Variants in DOCK7 observed in about 807,000 individuals in gnomAD.
The protein encoded by DOCK7 is dedicator of cytokinesis protein 7.
Under a neutral mutation model 271.0 loss-of-function variants are expected in DOCK7, and 138 were observed. The ratio of observed to expected loss-of-function variants is 0.51; its 90% CI spans 0.44 to 0.59. The LOEUF (loss-of-function observed/expected upper bound fraction) is 0.59. Among genes scored for constraint, DOCK7 ranks in the 20% least tolerant of loss-of-function variants. The pLI is 0.00. For synonymous variants in DOCK7, 823 were observed against 876.1 expected, an observed-to-expected ratio of 0.94 and a Z score of 1.07; for missense variants, 2,066 against 2,592.4, an observed-to-expected ratio of 0.80 and a Z score of 4.41.
At chr1:62,594,403 A>G (rs536851595) in intron 14 of DOCK7, among the ~76,000 whole-genome samples, 19 of 152,266 alleles carry the variant, frequency 1.2e-4, no homozygotes, top group African/African-American at 4.6e-4. Context: ...GAGACAATAT[A>G]CTAGAAACCA....
At chr1:62,543,817 T>A in intron 23 of DOCK7, 72 bp from the exon 24 acceptor site, 1 of 1,087,736 alleles carries the variant, frequency 9.2e-7, no homozygotes, top group Non-Finnish European at 1.4e-6. Context: ...AGCTGATGGA[T>A]TATGTACAAG....
rs1646560745 is a variant in DOCK7, at chr1:62,494,484, T to C, written c.5025-17A>G. The C allele has an allele frequency of 3.2e-6, 5 of 1,586,300 alleles. No homozygotes were observed. The highest frequency in any genetic ancestry group is 4.3e-6 in the Non-Finnish European group (5 of 1,158,882). ...TTGGCAATTCTAATTAGAACAGAAATTCTTCTCCATTAGTATGTGCTTCCC... is the reference window on the plus strand; with the variant it reads ...TTGGCAATTCTAATTAGAACAGAAACTCTTCTCCATTAGTATGTGCTTCCC... On this transcript the variant is annotated splice_polypyrimidine_tract_variant and intron_variant, in intron 39 of 49. Transcript: ENST00000635253.
intron 37 of DOCK7, among the ~76,000 whole-genome samples, chr1:62,501,452 A>G (rs1646781224): frequency 1.3e-5 from 2 of 152,214 alleles, no homozygotes; most frequent in Non-Finnish European, 2.9e-5. Context: ...AAATCAAGTG[A>G]AGTATATGCA....
chr1:62,653,926 T>G, intron 3 of DOCK7, 58 bp downstream of exon 3: 1 of 1,564,940 alleles, frequency 6.4e-7, no homozygotes, highest in Non-Finnish European at 8.7e-7. Context: ...AATAAAATAA[T>G]GGAAGGTAGC....
At chr1:62,503,021 A>T (rs1298301688) in intron 37 of DOCK7, among the ~76,000 whole-genome samples, 2 of 152,190 alleles carry the variant, frequency 1.3e-5, no homozygotes, top group East Asian at 3.8e-4. Context: ...GATGAAATTC[A>T]GGCCAAAAAA....
chr1:62,572,226 G>A (rs1646805877), intron 18 of DOCK7, among the ~76,000 whole-genome samples: 2 of 152,034 alleles, frequency 1.3e-5, no homozygotes, highest in South Asian at 4.2e-4. Context: ...AAACCCTCTA[G>A]GTAATTTCGA....
chr1:62,505,776 C>T lies in DOCK7; in HGVS notation c.4517G>A (p.Gly1506Glu). The T allele has an allele frequency of 1.2e-6, 2 of 1,613,042 alleles. No homozygotes were observed. Among genetic ancestry groups the T allele is most frequent in the South Asian group, 2.2e-5 (2 of 90,962 alleles). The change falls in exon 36 of 50, where the codon GGA becomes GAA. Residue 1506 changes from glycine to glutamate, a missense_variant. Gly to Glu is a moderately conservative substitution (Grantham distance 98). Coordinates refer to ENST00000635253, the MANE Select transcript of DOCK7 (RefSeq NM_001367561.1). ...GCTGTGTAGTAGCACTTTTAGCACTCCACCAAGAATGCTCTCTTTGGATTC... is the reference window on the plus strand; with the variant it reads ...GCTGTGTAGTAGCACTTTTAGCACTTCACCAAGAATGCTCTCTTTGGATTC... ...VTESKESILG[G>E]VLKVLLHSMA...
At chr1:62,658,618 A>T (rs1445413965) in intron 2 of DOCK7, among the ~76,000 whole-genome samples, 1 of 152,096 alleles carries the variant, frequency 6.6e-6, no homozygotes, top group East Asian at 1.9e-4. Flanking sequence ...AAAATAACTG[A>T]CCACCTGGAA....
chr1:62,602,959 A>C (rs1650375332), intron 14 of DOCK7, among the ~76,000 whole-genome samples: 1 of 151,726 alleles, frequency 6.6e-6, no homozygotes, highest in Non-Finnish European at 1.5e-5. Flanking sequence ...AAAATCCAAA[A>C]AGCACATACA....
chr1:62,604,820 T>G (rs201148287), intron 14 of DOCK7: 9 of 1,612,232 alleles, frequency 5.6e-6, no homozygotes, highest in South Asian at 1.1e-5. Context: ...TTGAATGAAC[T>G]GAGGCAAATT....
At chr1:62,681,612 A>C (rs912165211) in intron 1 of DOCK7, among the ~76,000 whole-genome samples, 13 of 152,192 alleles carry the variant, frequency 8.5e-5, no homozygotes, top group South Asian at 2.1e-4. Flanking sequence ...AAGGGTGGCT[A>C]TACCCTAGAG....
intron 14 of DOCK7, among the ~76,000 whole-genome samples, chr1:62,599,454 C>T (rs74683706): frequency 0.022 from 3,375 of 152,038 alleles, 134 homozygotes; most frequent in African/African-American, 0.077. Flanking sequence ...AAATCACAAC[C>T]GCCTGGTCCC....
chr1:62,530,142 A>G (rs1645130563), intron 29 of DOCK7, among the ~76,000 whole-genome samples: 1 of 152,216 alleles, frequency 6.6e-6, no homozygotes, highest in African/African-American at 2.4e-5. Context: ...CTGGCCCTTA[A>G]TGCTGCATCC....
intron 1 of DOCK7, among the ~76,000 whole-genome samples, chr1:62,667,246 T>A (rs1333002593): frequency 2.0e-5 from 3 of 152,186 alleles, no homozygotes; most frequent in Non-Finnish European, 4.4e-5. Flanking sequence ...AAAGTTTAGT[T>A]GAGCTGCTCC....
chr1:62,658,336 C>G (rs1468744509), intron 2 of DOCK7, among the ~76,000 whole-genome samples: 6 of 151,778 alleles, frequency 4.0e-5, no homozygotes, highest in Non-Finnish European at 5.9e-5. Context: ...CACCTATAAT[C>G]CCAGCTACTC....
intron 22 of DOCK7, among the ~76,000 whole-genome samples, chr1:62,552,469 G>C (rs903205372): frequency 1.2e-4 from 18 of 152,098 alleles, no homozygotes; most frequent in African/African-American, 4.3e-4. Context: ...TTCACATGAT[G>C]GAGTATCAGA....
intron 18 of DOCK7, among the ~76,000 whole-genome samples, chr1:62,574,561 C>G (rs1557741929): frequency 6.6e-6 from 1 of 152,214 alleles, no homozygotes; most frequent in Middle Eastern, 3.4e-3. Context: ...GACATTGAGG[C>G]AGCAAACATA....
intron 2 of DOCK7, among the ~76,000 whole-genome samples, chr1:62,655,662 A>T (rs561988977): frequency 1.1e-3 from 162 of 152,270 alleles, no homozygotes; most frequent in African/African-American, 3.6e-3. Flanking sequence ...CCTGAGCTCA[A>T]GCAATCCGCC....
chr1:62,630,983 G>C (rs1199390537), intron 11 of DOCK7, among the ~76,000 whole-genome samples: 1 of 151,854 alleles, frequency 6.6e-6, no homozygotes, highest in Non-Finnish European at 1.5e-5. Context: ...TCAGGAGTTC[G>C]AGACCAGTTT....
Sources: allele counts gnomAD v4.1 joint callset (sites outside exome capture counted in the v4.1 genomes callset), GRCh38; gene constraint gnomAD v4.1.1; transcripts MANE v1.5; gene names NCBI Gene and HGNC (gene_info 2026-07-23, HGNC 2026-07-21).